MARCHF1: variants seen among roughly 807,000 people sequenced by gnomAD.
MARCHF1 encodes the protein E3 ubiquitin-protein ligase MARCHF1.
A neutral mutation model predicts 54.2 loss-of-function variants in MARCHF1; 40 were observed. The observed-to-expected ratio is 0.74, with a 90% confidence interval of 0.57 to 0.96. The LOEUF is 0.96. Ranked by LOEUF, MARCHF1 falls within the 40% of genes least tolerant of loss-of-function variation. The pLI is 0.00. For missense variants in MARCHF1, 586 were observed against 656.5 expected, an observed-to-expected ratio of 0.89 and a Z score of 1.17; for synonymous variants, 236 against 236.3, an observed-to-expected ratio of 1.00 and a Z score of 0.01.
At chr4:164,192,288 C>G (rs556169772) in intron 1 of MARCHF1, among the ~76,000 whole-genome samples, 50 of 152,252 alleles carry the variant, frequency 3.3e-4, no homozygotes, top group African/African-American at 1.1e-3. Context: ...TAAATTCATA[C>G]ATCATTGCTT....
At chr4:164,141,813 A>T (rs570616568) in intron 1 of MARCHF1, among the ~76,000 whole-genome samples, 4 of 152,274 alleles carry the variant, frequency 2.6e-5, no homozygotes, top group East Asian at 1.9e-4. Flanking sequence ...TGTTGGGGGG[A>T]GGAGCCAAGA....
Position 164,031,005 on chromosome 4 carries a change from G to A in MARCHF1, c.-247-42296C>T, listed in dbSNP as rs183304135. Among the ~76,000 whole-genome samples the A allele has an allele frequency of 1.6e-4, 25 of 152,236 alleles. No homozygotes were observed. The East Asian group carries it at 4.8e-3, about 29-fold the overall frequency. On this transcript the variant is annotated intron_variant, in intron 2 of 9. Coordinates refer to ENST00000514618, the MANE Select transcript of MARCHF1 (RefSeq NM_001394959.1). ...TGGGGTTTTCTAAATATACGATCATGTCATCTGCAAACAGAGACAATTTGA... is the reference window on the plus strand; with the variant it reads ...TGGGGTTTTCTAAATATACGATCATATCATCTGCAAACAGAGACAATTTGA...
At chr4:163,726,934 G>A (rs1244070635) in intron 4 of MARCHF1, among the ~76,000 whole-genome samples, 1 of 152,148 alleles carries the variant, frequency 6.6e-6, no homozygotes, top group Non-Finnish European at 1.5e-5. Flanking sequence ...TTATCGTTGA[G>A]TTTTAAGAGT....
intron 3 of MARCHF1, among the ~76,000 whole-genome samples, chr4:163,956,538 G>A (rs138117112): frequency 2.8e-4 from 42 of 152,040 alleles, no homozygotes; most frequent in Non-Finnish European, 5.6e-4. Flanking sequence ...GTTTCTTTAA[G>A]CAACAAATAA....
chr4:163,550,881 G>C (rs558469227), intron 8 of MARCHF1, among the ~76,000 whole-genome samples: 1 of 152,270 alleles, frequency 6.6e-6, no homozygotes, highest in South Asian at 2.1e-4. Flanking sequence ...CCAGTATTTT[G>C]AGCCCCACAC....
intron 1 of MARCHF1, among the ~76,000 whole-genome samples, chr4:164,150,428 A>G (rs1238831597): frequency 1.3e-5 from 2 of 152,210 alleles, no homozygotes; most frequent in African/African-American, 2.4e-5. Flanking sequence ...AGGTCGTTAC[A>G]TATAACAAGC....
At chr4:164,289,794 T>A (rs1734243709) in intron 1 of MARCHF1, among the ~76,000 whole-genome samples, 1 of 151,960 alleles carries the variant, frequency 6.6e-6, no homozygotes, top group Non-Finnish European at 1.5e-5. Flanking sequence ...GTTTCTTCAG[T>A]GACTTATCAA....
chr4:163,906,926 A>C (rs951262930), intron 3 of MARCHF1, among the ~76,000 whole-genome samples: 2 of 151,890 alleles, frequency 1.3e-5, no homozygotes, highest in African/African-American at 2.4e-5. Context: ...TATTTTTATG[A>C]ATATTTTTTG....
intron 4 of MARCHF1, among the ~76,000 whole-genome samples, chr4:163,794,456 G>C (rs999805626): frequency 4.6e-5 from 7 of 152,098 alleles, no homozygotes; most frequent in Admixed American, 3.9e-4. Context: ...CAAATAAAAA[G>C]TATAACACAA....
intron 1 of MARCHF1, among the ~76,000 whole-genome samples, chr4:164,367,443 T>A (rs1435339195): frequency 2.0e-5 from 3 of 152,078 alleles, no homozygotes; most frequent in Non-Finnish European, 4.4e-5. Context: ...TCTAGTAATA[T>A]TTACCCTTAA....
chr4:164,110,048 C>T (rs1305013679), intron 2 of MARCHF1, among the ~76,000 whole-genome samples: 1 of 149,322 alleles, frequency 6.7e-6, no homozygotes, highest in Non-Finnish European at 1.5e-5. Context: ...ACAGAAGTTT[C>T]CTATTAATGT....
chr4:163,745,138 A>T (rs1466837273), intron 4 of MARCHF1, among the ~76,000 whole-genome samples: 1 of 144,310 alleles, frequency 6.9e-6, no homozygotes, highest in African/African-American at 2.6e-5. Flanking sequence ...TTTGAGACAG[A>T]GTTTCACTCT....
intron 1 of MARCHF1, among the ~76,000 whole-genome samples, chr4:164,148,303 A>G (rs1330443460): frequency 6.6e-6 from 1 of 152,164 alleles, no homozygotes; most frequent in East Asian, 1.9e-4. Context: ...TCCAAAATCA[A>G]TCAATATCAA....
chr4:164,227,583 A>G (rs146324336), intron 1 of MARCHF1, among the ~76,000 whole-genome samples: 553 of 152,274 alleles, frequency 3.6e-3, no homozygotes, highest in African/African-American at 0.012. Context: ...GAAACTAGCC[A>G]AAGTCTTTCT....
intron 3 of MARCHF1, among the ~76,000 whole-genome samples, chr4:163,909,120 A>G (rs1248859057): frequency 6.6e-6 from 1 of 152,200 alleles, no homozygotes; most frequent in East Asian, 1.9e-4. Flanking sequence ...TAATGTGTTA[A>G]TTGATACACT....
intron 4 of MARCHF1, among the ~76,000 whole-genome samples, chr4:163,834,525 A>G (rs1049278230): frequency 6.6e-6 from 1 of 151,752 alleles, no homozygotes; most frequent in African/African-American, 2.4e-5. Context: ...ATATGTATAC[A>G]TGTGTCATGC....
Position 163,728,904 on chromosome 4 carries a change from C to T in MARCHF1, c.112-28041G>A, listed in dbSNP as rs193056040. 8.5e-5 allele frequency among the ~76,000 whole-genome samples: 13 copies of T among 152,292 alleles called. No homozygotes were observed. In the East Asian group the frequency reaches 2.3e-3, roughly 27 times the overall value. ...CTTAGCAGGAAAGCTCTGAATTTCTCACCATTAAGTATGAGGTTAGTTTTA... is the reference window on the plus strand; with the variant it reads ...CTTAGCAGGAAAGCTCTGAATTTCTTACCATTAAGTATGAGGTTAGTTTTA... On this transcript the variant is annotated intron_variant, in intron 4 of 9. Transcript: ENST00000514618.
intron 4 of MARCHF1, among the ~76,000 whole-genome samples, chr4:163,738,073 G>A (rs1746098875): frequency 6.6e-6 from 1 of 152,178 alleles, no homozygotes; most frequent in Admixed American, 6.6e-5. Flanking sequence ...AGGGTTATAT[G>A]CTCTTCTGAA....
intron 5 of MARCHF1, among the ~76,000 whole-genome samples, chr4:163,673,837 C>T (rs1448689994): frequency 6.6e-6 from 1 of 151,978 alleles, no homozygotes; most frequent in South Asian, 2.1e-4. Context: ...AAAAGAAACC[C>T]CAAAATCAAA....
Sources: gnomAD v4.1 joint callset for allele counts (sites outside exome capture counted in the v4.1 genomes callset) on GRCh38, gnomAD v4.1.1 for gene constraint, MANE v1.5 for transcripts, NCBI Gene and HGNC (gene_info 2026-07-23, HGNC 2026-07-21) for gene names.